FAM13C: variants seen among roughly 807,000 people sequenced by gnomAD.
The protein encoded by FAM13C is protein FAM13C.
In FAM13C, 37 loss-of-function variants were observed where a neutral mutation model predicts 73.2. The observed-to-expected ratio is 0.51, with a 90% CI of 0.39 to 0.67. The LOEUF (loss-of-function observed/expected upper bound fraction) is 0.67. Among genes scored for constraint, FAM13C ranks in the 30% least tolerant of loss-of-function variants. FAM13C has a pLI of 0.00. For missense variants in FAM13C, 589 were observed against 715.6 expected, an observed-to-expected ratio of 0.82 and a Z score of 2.02; for synonymous variants, 246 against 260.9, an observed-to-expected ratio of 0.94 and a Z score of 0.55.
chr10:59,297,863 G>C (rs747030454), intron 5 of FAM13C, among the ~76,000 whole-genome samples: 3 of 151,598 alleles, frequency 2.0e-5, no homozygotes, highest in Non-Finnish European at 4.4e-5. Flanking sequence ...ATACCTGGGG[G>C]AGACAGACAC....
intron 3 of FAM13C, among the ~76,000 whole-genome samples, chr10:59,341,692 C>T (rs1853544306): frequency 6.6e-6 from 1 of 151,454 alleles, no homozygotes; most frequent in Non-Finnish European, 1.5e-5. Context: ...TCCTCCTTCT[C>T]GAAAAAAGGA....
intron 5 of FAM13C, among the ~76,000 whole-genome samples, chr10:59,299,849 G>A (rs1309663881): frequency 2.6e-5 from 4 of 151,948 alleles, no homozygotes; most frequent in African/African-American, 9.7e-5. Context: ...TGTCAGTAGG[G>A]AGATTTAATC....
At chr10:59,270,523 G>A (rs1843602228) in intron 6 of FAM13C, among the ~76,000 whole-genome samples, 2 of 152,142 alleles carry the variant, frequency 1.3e-5, no homozygotes, top group Non-Finnish European at 2.9e-5. Context: ...GTGAAGGAAG[G>A]GAGAGAAGGG....
At chr10:59,300,172 G>A (rs1280802107) in intron 5 of FAM13C, among the ~76,000 whole-genome samples, 2 of 152,194 alleles carry the variant, frequency 1.3e-5, no homozygotes, top group African/African-American at 2.4e-5. Flanking sequence ...GAATCAAGCT[G>A]AGCCCCATCT....
intron 4 of FAM13C, among the ~76,000 whole-genome samples, chr10:59,306,211 C>T (rs919314910): frequency 1.3e-5 from 2 of 152,098 alleles, no homozygotes; most frequent in Admixed American, 6.5e-5. Context: ...AAGTAGCAAA[C>T]TTTCATGGAA....
chr10:59,253,118 C>G (rs1218821706), intron 11 of FAM13C, 120 bp from the exon 12 acceptor site: 2 of 931,414 alleles, frequency 2.1e-6, no homozygotes, highest in East Asian at 5.0e-5. Context: ...GACCCATGTG[C>G]CTACTGAGAA....
intron 5 of FAM13C, among the ~76,000 whole-genome samples, chr10:59,301,931 A>G (rs528626612): frequency 6.6e-6 from 1 of 152,386 alleles, no homozygotes; most frequent in East Asian, 1.9e-4. Flanking sequence ...AAAGAAAAAT[A>G]AAATCACCTA....
chr10:59,352,413 G>T lies in FAM13C; in HGVS notation c.181C>A (p.Pro61Thr). ...AGALVEEHAPPSWEPQQQNVE... is the reference protein window; with the variant it reads ...AGALVEEHAPTSWEPQQQNVE... ...TTCTGCTGCTGCGGCTCCCAAGAGGGCGGCGCGTGCTCTTCTACCAGAGCC... is the reference window on the plus strand; with the variant it reads ...TTCTGCTGCTGCGGCTCCCAAGAGGTCGGCGCGTGCTCTTCTACCAGAGCC... The change falls in exon 3 of 14, where the codon CCC becomes ACC. Residue 61 changes from proline to threonine, a missense_variant. By Grantham distance (38) the Pro-to-Thr change is conservative. Transcript: ENST00000618804. The T allele has an allele frequency of 6.2e-7, 1 of 1,613,924 alleles. No individual in the cohort carries two copies.
intron 5 of FAM13C, among the ~76,000 whole-genome samples, chr10:59,300,218 T>G (rs183272888): frequency 6.6e-6 from 1 of 152,126 alleles, no homozygotes; most frequent in East Asian, 1.9e-4. Context: ...GAAGTACAAA[T>G]AGTAGAAGTG....
At chr10:59,351,851 C>T (rs747454412) in intron 3 of FAM13C, among the ~76,000 whole-genome samples, 4 of 152,054 alleles carry the variant, frequency 2.6e-5, no homozygotes, top group South Asian at 4.1e-4. Flanking sequence ...AAAAAATTAG[C>T]CAGGCATGGT....
intron 3 of FAM13C, among the ~76,000 whole-genome samples, chr10:59,329,131 T>G (rs1851583049): frequency 6.6e-6 from 1 of 152,128 alleles, no homozygotes; most frequent in Non-Finnish European, 1.5e-5. Context: ...GTCTATTATT[T>G]AAAATTTTCT....
At chr10:59,347,463 A>G (rs1320041117) in intron 3 of FAM13C, among the ~76,000 whole-genome samples, 1 of 152,200 alleles carries the variant, frequency 6.6e-6, no homozygotes, top group Non-Finnish European at 1.5e-5. Context: ...AAAGTGGAGC[A>G]TTAGGCCAAA....
At chr10:59,301,769 G>C (rs1847631456) in intron 5 of FAM13C, among the ~76,000 whole-genome samples, 1 of 152,150 alleles carries the variant, frequency 6.6e-6, no homozygotes, top group South Asian at 2.1e-4. Context: ...GTAGAATTTG[G>C]AGCCTGTCTG....
intron 3 of FAM13C, among the ~76,000 whole-genome samples, chr10:59,343,166 G>A (rs1853738925): frequency 6.6e-6 from 1 of 152,312 alleles, no homozygotes; most frequent in East Asian, 1.9e-4. Context: ...TAATGAGCTT[G>A]AAGTTTCATT....
Position 59,247,430 on chromosome 10 carries a change from TC to T in FAM13C, c.*183del. 3 of 660,856 alleles carry T rather than the reference TC, an allele frequency of 4.5e-6. No homozygotes were observed. Among genetic ancestry groups the T allele is most frequent in the Non-Finnish European group, 7.5e-6 (3 of 398,706 alleles). 40.9% of individuals were successfully genotyped at this position (660,856 alleles called of 1,614,324 possible). A position where few individuals can be genotyped will look rare whatever the true frequency, so the allele number is the denominator to read the frequency against. Reference sequence around the variant, plus strand: ...ATTATATGGCTACCTGTTGTATTCTTCCCCCCGTTTAAATCCCTTCTCCTTG... The same window carrying T: ...ATTATATGGCTACCTGTTGTATTCTTCCCCCGTTTAAATCCCTTCTCCTTG... On this transcript the variant is annotated 3_prime_UTR_variant, in exon 14 of 14. Transcript: ENST00000618804.
intron 1 of FAM13C, among the ~76,000 whole-genome samples, chr10:59,359,548 C>A (rs1016589098): frequency 6.6e-6 from 1 of 152,180 alleles, no homozygotes; most frequent in Non-Finnish European, 1.5e-5. Context: ...CAAAATGTGG[C>A]CCCTTGCATT....
intron 2 of FAM13C, among the ~76,000 whole-genome samples, chr10:59,355,353 A>G (rs1855571236): frequency 6.6e-6 from 1 of 152,310 alleles, no homozygotes; most frequent in African/African-American, 2.4e-5. Flanking sequence ...TCATAGTGCT[A>G]CGTTATCTTG....
At chr10:59,352,954 A>G (rs1461336165) in intron 2 of FAM13C, among the ~76,000 whole-genome samples, 1 of 152,210 alleles carries the variant, frequency 6.6e-6, no homozygotes, top group African/African-American at 2.4e-5. Context: ...TCAAGGCACC[A>G]TGCTTCCTCT....
At chr10:59,328,525 T>C (rs1487827912) in intron 3 of FAM13C, among the ~76,000 whole-genome samples, 1 of 150,820 alleles carries the variant, frequency 6.6e-6, no homozygotes, top group Admixed American at 6.6e-5. Flanking sequence ...TATTCCATTC[T>C]AATCCCACCA....
Sources: allele counts gnomAD v4.1 joint callset (sites outside exome capture counted in the v4.1 genomes callset), GRCh38; gene constraint gnomAD v4.1.1; transcripts MANE v1.5; gene names NCBI Gene and HGNC (gene_info 2026-07-23, HGNC 2026-07-21).